The following CACNA1C variants were observed in gnomAD, a reference collection of about 807,000 sequenced individuals.
CACNA1C encodes calcium voltage-gated channel subunit alpha1 C, also known as voltage-dependent L-type calcium channel subunit alpha-1C.
CACNA1C carries 30 observed loss-of-function variants against 229.0 expected under a neutral mutation model. The ratio of observed to expected loss-of-function variants is 0.13; its 90% CI spans 0.10 to 0.18. CACNA1C has a LOEUF of 0.18. Among genes scored for constraint, CACNA1C ranks in the 10% least tolerant of loss-of-function variants. CACNA1C has a pLI of 1.00. For synonymous variants in CACNA1C, 1,114 were observed against 1,132.5 expected, an observed-to-expected ratio of 0.98 and a Z score of 0.33; for missense variants, 1,658 against 2,845.0, an observed-to-expected ratio of 0.58 and a Z score of 9.49.
intron 29 of CACNA1C, among the ~76,000 whole-genome samples, chr12:2,615,660 G>A (rs866368663): frequency 3.7e-4 from 57 of 152,264 alleles, no homozygotes; most frequent in African/African-American, 1.3e-3. Flanking sequence ...CAGCCCCTTC[G>A]GGCAGCTCTG....
In CACNA1C at chr12:2,108,014, G is replaced by A. The variant is rs367749654; in HGVS notation, c.50-7210G>A. Among the ~76,000 whole-genome samples, 2 of 152,188 alleles carry A rather than the reference G, an allele frequency of 1.3e-5. No individual in the cohort carries two copies. The highest frequency in any genetic ancestry group is 6.5e-5 in the Admixed American group (1 of 15,284). ...AAATGCAAAATGCATTTTGTCAGAC[G>A]TGCTAGCTACATTTCAGGTGCTCAG... On this transcript the variant is annotated intron_variant, in intron 1 of 46. Coordinates refer to ENST00000399655, the MANE Select transcript of CACNA1C (RefSeq NM_000719.7). The surrounding 1 kb of genome is among the most constrained non-coding windows in gnomAD (Gnocchi z 5.3).
chr12:2,386,964 G>C (rs556870670), intron 3 of CACNA1C, among the ~76,000 whole-genome samples: 1 of 152,350 alleles, frequency 6.6e-6, no homozygotes, highest in South Asian at 2.1e-4. Context: ...ACCACATTCT[G>C]AGCTTGCTGC....
At chr12:2,637,826 C>G (rs2093027771) in intron 30 of CACNA1C, among the ~76,000 whole-genome samples, 1 of 152,216 alleles carries the variant, frequency 6.6e-6, no homozygotes, top group Non-Finnish European at 1.5e-5. Flanking sequence ...CATTGTTAGC[C>G]TCAGTGTGAT....
chr12:2,426,182 C>G (rs550541510), intron 3 of CACNA1C, among the ~76,000 whole-genome samples: 4 of 152,172 alleles, frequency 2.6e-5, no homozygotes, highest in African/African-American at 9.7e-5. Context: ...GCAGTACATA[C>G]GCCCACCCTG....
rs1362129584 is a variant in CACNA1C at position 2,646,958 on chromosome 12, C to G, written c.3913-1517C>G. ...TCTAGAGATCCAGATTTAGAGTGTT[C>G]TGTAAAGCCTAGAGAAGTGTCCCTT... On this transcript the variant is annotated intron_variant, in intron 30 of 46. Transcript: ENST00000399655. The surrounding 1 kb of genome is among the most constrained non-coding windows in gnomAD (Gnocchi z 4.6). Among the ~76,000 whole-genome samples the G allele has an allele frequency of 6.6e-6, 1 of 152,038 alleles. No homozygotes were observed. The highest frequency in any genetic ancestry group is 1.5e-5 in the Non-Finnish European group (1 of 67,998).
intron 3 of CACNA1C, among the ~76,000 whole-genome samples, chr12:2,197,189 C>T (rs1598797451): frequency 6.6e-6 from 1 of 152,266 alleles, no homozygotes; most frequent in East Asian, 1.9e-4. Flanking sequence ...TCCACCTTGG[C>T]CCAGAACATA....
At chr12:2,250,969 C>T (rs759221126) in intron 3 of CACNA1C, among the ~76,000 whole-genome samples, 1 of 152,230 alleles carries the variant, frequency 6.6e-6, no homozygotes, top group Non-Finnish European at 1.5e-5. Flanking sequence ...ACTTCTACCA[C>T]ATCCTGCACT....
chr12:2,211,401 G>C (rs2097912930), intron 3 of CACNA1C, among the ~76,000 whole-genome samples: 1 of 152,216 alleles, frequency 6.6e-6, no homozygotes, highest in Admixed American at 6.5e-5. Flanking sequence ...TGTTGGTAGA[G>C]AAGGAGTATG....
chr12:2,135,640 C>T (rs1409154650), intron 3 of CACNA1C, among the ~76,000 whole-genome samples: 3 of 141,418 alleles, frequency 2.1e-5, no homozygotes, highest in South Asian at 2.2e-4. Flanking sequence ...GTCAGGGACC[C>T]ACTTGAAGAG....
At position 2,411,399 on chromosome 12, in the gene CACNA1C, G is replaced by A. The variant is rs114355152; in HGVS notation, c.478-37577G>A. ...GGGAGTGAGGGGCTGGAGGTGGGGG[G>A]TACACTGGAATGTTACGGTTCTATT... is the stretch of plus-strand genomic sequence containing the variant. On this transcript the variant is annotated intron_variant, in intron 3 of 46. Coordinates refer to ENST00000399655, the MANE Select transcript of CACNA1C (RefSeq NM_000719.7). Among the ~76,000 whole-genome samples, 1,400 of 152,278 alleles carry A rather than the reference G, an allele frequency of 9.2e-3. 20 individuals are homozygous for A. The highest frequency in any genetic ancestry group is 0.032 in the African/African-American group (1,312 of 41,540).
intron 39 of CACNA1C, chr12:2,676,730 TAAAAAA>T (rs35552109): frequency 6.0e-6 from 1 of 167,464 alleles, no homozygotes; most frequent in African/African-American, 2.5e-5. Context: ...TCAGTTCAGT[TAAAAAA>T]AAAAAAGCGG....
At chr12:1,980,218 T>C (rs1334161387) in intron 1 of CACNA1C, among the ~76,000 whole-genome samples, 1 of 152,182 alleles carries the variant, frequency 6.6e-6, no homozygotes, top group Non-Finnish European at 1.5e-5. Context: ...ATAATTCAAG[T>C]ATCTATCGAT....
intron 46 of CACNA1C, 22 bp from the exon 47 acceptor site, chr12:2,690,878 G>A: frequency 6.5e-7 from 1 of 1,527,724 alleles, no homozygotes; most frequent in Non-Finnish European, 8.8e-7. Context: ...GGTTCTTCAT[G>A]GCTCCCACCC....
At chr12:2,448,039 G>T (rs1340057784) in intron 3 of CACNA1C, among the ~76,000 whole-genome samples, 1 of 152,242 alleles carries the variant, frequency 6.6e-6, no homozygotes, top group African/African-American at 2.4e-5. Context: ...TTGCCTGGTG[G>T]GGGCCATTAA....
chr12:2,658,593 T>G (rs2095540613), intron 34 of CACNA1C, among the ~76,000 whole-genome samples: 1 of 150,872 alleles, frequency 6.6e-6, no homozygotes, highest in African/African-American at 2.4e-5. Flanking sequence ...CACTATACTT[T>G]TATCATTATT....
rs375202118 is a variant in CACNA1C, at chr12:2,607,104, C to T, written c.3330C>T (p.Thr1110=). Residue 1110 remains threonine (T), a synonymous_variant, in exon 26 of 47, where the codon ACC becomes ACT. Coordinates refer to ENST00000399655, the MANE Select transcript of CACNA1C (RefSeq NM_000719.7). ...TGGCAGCCATGATGGCCCTCTTCAC[C>T]GTCTCCACCTTCGAAGGGTGGCCAG... ...NVLAAMMALF[T]VSTFEGWPEL... 2.5e-5 allele frequency: 41 copies of T among 1,613,540 alleles called. No individual in the cohort carries two copies. Among genetic ancestry groups the T allele is most frequent in the Admixed American group, 1.7e-4 (10 of 59,938 alleles).
At chr12:2,419,326 A>G (rs1026044026) in intron 3 of CACNA1C, among the ~76,000 whole-genome samples, 1 of 152,034 alleles carries the variant, frequency 6.6e-6, no homozygotes, top group Non-Finnish European at 1.5e-5. Context: ...AGAGAGAGGG[A>G]GGGAGGAGGT....
chr12:2,253,655 T>G (rs2076389744), intron 3 of CACNA1C, among the ~76,000 whole-genome samples: 1 of 152,218 alleles, frequency 6.6e-6, no homozygotes, highest in African/African-American at 2.4e-5. Flanking sequence ...AGGAGGGTGT[T>G]GAGGATTAAA....
At chr12:2,344,691 TA>T (rs2096960101) in intron 3 of CACNA1C, among the ~76,000 whole-genome samples, 1 of 152,068 alleles carries the variant, frequency 6.6e-6, no homozygotes, top group African/African-American at 2.4e-5. Context: ...GATGTGCGCC[TA>T]TGTGTGTCCC....
Sources: allele counts gnomAD v4.1 joint callset (sites outside exome capture counted in the v4.1 genomes callset), GRCh38; gene constraint gnomAD v4.1.1; non-coding constraint Gnocchi (gnomAD v3.1); transcripts MANE v1.5; gene names NCBI Gene and HGNC (gene_info 2026-07-23, HGNC 2026-07-21).